The following SLC8A3 variants were observed in gnomAD, a reference collection of about 807,000 sequenced individuals.
SLC8A3 encodes the protein sodium/calcium exchanger 3.
SLC8A3 carries 37 observed loss-of-function variants against 65.4 expected under a neutral mutation model. That is an observed-to-expected ratio of 0.57 (90% CI 0.44 to 0.74). The LOEUF (loss-of-function observed/expected upper bound fraction) is 0.74. Among genes scored for constraint, SLC8A3 ranks in the 30% least tolerant of loss-of-function variants. SLC8A3 has a pLI of 0.00. For synonymous variants in SLC8A3, 461 were observed against 444.5 expected, an observed-to-expected ratio of 1.04 and a Z score of -0.47; for missense variants, 1,112 against 1,172.1, an observed-to-expected ratio of 0.95 and a Z score of 0.75.
At chr14:70,177,485 T>C (rs116423115) in intron 1 of SLC8A3, among the ~76,000 whole-genome samples, 4,302 of 152,330 alleles carry the variant, frequency 0.028, 201 homozygotes, top group African/African-American at 0.098. Context: ...GAAGGTATAG[T>C]ACCTCTTGGG....
intron 2 of SLC8A3, among the ~76,000 whole-genome samples, chr14:70,103,721 TAAAC>T (rs1236094962): frequency 4.6e-5 from 7 of 151,542 alleles, no homozygotes; most frequent in African/African-American, 1.7e-4. Context: ...AAGAAGGTAA[TAAAC>T]AAGGAAATGA....
chr14:70,112,600 G>A (rs1196626682), intron 2 of SLC8A3, among the ~76,000 whole-genome samples: 1 of 152,156 alleles, frequency 6.6e-6, no homozygotes, highest in East Asian at 1.9e-4. Flanking sequence ...GTTCTCATGG[G>A]CTTCCCAGAC....
At chr14:70,183,957 A>G (rs1481476737) in intron 1 of SLC8A3, among the ~76,000 whole-genome samples, 2 of 152,206 alleles carry the variant, frequency 1.3e-5, no homozygotes, top group Non-Finnish European at 2.9e-5. Flanking sequence ...GCCCCCAGCA[A>G]GCCTTTGTCT....
intron 2 of SLC8A3, among the ~76,000 whole-genome samples, chr14:70,112,474 C>T (rs774015840): frequency 3.9e-5 from 6 of 152,072 alleles, no homozygotes; most frequent in Admixed American, 6.5e-5. Flanking sequence ...GCAGGATTTG[C>T]GGTGGAGACA....
chr14:70,089,307 C>T (rs1362969531), intron 2 of SLC8A3, among the ~76,000 whole-genome samples: 1 of 152,154 alleles, frequency 6.6e-6, no homozygotes, highest in Non-Finnish European at 1.5e-5. Flanking sequence ...ACTTAACATA[C>T]TAAATACTCA....
intron 2 of SLC8A3, among the ~76,000 whole-genome samples, chr14:70,111,879 G>A (rs1893328346): frequency 2.0e-5 from 3 of 152,194 alleles, no homozygotes; most frequent in Non-Finnish European, 4.4e-5. Context: ...GAGGGGAGAG[G>A]AGGAAAGGGG....
intron 3 of SLC8A3, chr14:70,055,773 GA>G: frequency 6.2e-7 from 1 of 1,600,612 alleles, no homozygotes. Context: ...GGAAAGAAAA[GA>G]GGGGGACAAG....
intron 2 of SLC8A3, among the ~76,000 whole-genome samples, chr14:70,080,952 G>C (rs1031123103): frequency 6.6e-6 from 1 of 152,206 alleles, no homozygotes; most frequent in African/African-American, 2.4e-5. Context: ...ATGTCACACA[G>C]CTGGTAAATG....
chr14:70,079,940 G>T, intron 2 of SLC8A3: 1 of 200,668 alleles, frequency 5.0e-6, no homozygotes, highest in Non-Finnish European at 8.9e-6. Context: ...GCTTATAGCT[G>T]TGTGACCTTG....
At chr14:70,112,765 A>G (rs1401103236) in intron 2 of SLC8A3, among the ~76,000 whole-genome samples, 1 of 152,180 alleles carries the variant, frequency 6.6e-6, no homozygotes, top group Non-Finnish European at 1.5e-5. Context: ...GCCCCAGAAG[A>G]GGATGCTTCC....
chr14:70,125,336 C>T (rs1894370928), intron 2 of SLC8A3, among the ~76,000 whole-genome samples: 1 of 152,034 alleles, frequency 6.6e-6, no homozygotes, highest in African/African-American at 2.4e-5. Flanking sequence ...ATTCCCCCCA[C>T]CCTTCCGAGT....
At chr14:70,144,271 G>A (rs1258421645) in intron 2 of SLC8A3, among the ~76,000 whole-genome samples, 4 of 143,594 alleles carry the variant, frequency 2.8e-5, no homozygotes, top group Non-Finnish European at 6.0e-5. Context: ...GTTTTTATGG[G>A]AAGTAAAACA....
intron 2 of SLC8A3, among the ~76,000 whole-genome samples, chr14:70,152,198 C>A (rs1007932535): frequency 6.6e-6 from 1 of 152,110 alleles, no homozygotes; most frequent in Non-Finnish European, 1.5e-5. Context: ...TCATGTCAGA[C>A]TACATTGCAC....
chr14:70,073,111 T>C (rs182373346), intron 2 of SLC8A3, among the ~76,000 whole-genome samples: 1 of 152,192 alleles, frequency 6.6e-6, no homozygotes, highest in Admixed American at 6.5e-5. Context: ...AATAAAGATT[T>C]CCCTCCTTCT....
rs1196905676 is a variant in SLC8A3, at chr14:70,168,414, C to T, written c.9G>A (p.Trp3Ter). Residue 3 changes from tryptophan (W) to a stop codon, truncating the protein, a stop_gained, in exon 2 of 7, where the codon TGG becomes TGA. Coordinates refer to ENST00000356921, the MANE Select transcript of SLC8A3 (RefSeq NM_182932.3). LOFTEE classifies it high-confidence loss of function. MA[W>*]LRLQPLTSAF... ...CAGAGGTGAGAGGCTGCAACCTTAA[C>T]CACGCCATACACGAGACTTAGCCAC... is the stretch of plus-strand genomic sequence containing the variant. 1.2e-6 allele frequency: 2 copies of T among 1,612,712 alleles called. No individual in the cohort carries two copies. The highest frequency in any genetic ancestry group is 1.7e-6 in the Non-Finnish European group (2 of 1,179,396).
At chr14:70,117,797 T>TA (rs1893765581) in intron 2 of SLC8A3, among the ~76,000 whole-genome samples, 1 of 152,146 alleles carries the variant, frequency 6.6e-6, no homozygotes, top group South Asian at 2.1e-4. Context: ...TCCAGACCAC[T>TA]ATCCAGCTGC....
In SLC8A3 at chr14:70,168,251, C is replaced by G. The variant is rs1429463643; in HGVS notation, c.172G>C (p.Val58Leu). The G allele has an allele frequency of 6.2e-7, 1 of 1,614,166 alleles. No individual in the cohort carries two copies. Among genetic ancestry groups the G allele is most frequent in the Admixed American group, 1.7e-5 (1 of 60,020 alleles). Reference sequence around the variant, plus strand: ...TCCGGGTACCAGATTGGCAGGATGACACCCTCCTTGCAGTCCGATGACCCT... The same window carrying G: ...TCCGGGTACCAGATTGGCAGGATGAGACCCTCCTTGCAGTCCGATGACCCT... ...CSGSSDCKEG[V>L]ILPIWYPENP... is the part of the protein sequence containing the mutation. The change falls in exon 2 of 7, where the codon GTC becomes CTC. Residue 58 changes from valine (V) to leucine (L), a missense_variant. By Grantham distance (32) the Val-to-Leu change is conservative (BLOSUM62 1). Coordinates refer to ENST00000356921, the MANE Select transcript of SLC8A3 (RefSeq NM_182932.3).
At chr14:70,124,185 C>G (rs1380528804) in intron 2 of SLC8A3, among the ~76,000 whole-genome samples, 2 of 152,076 alleles carry the variant, frequency 1.3e-5, no homozygotes. Context: ...AATAGTAGAA[C>G]TAGGAATCTG....
rs532462612 is a variant in SLC8A3, at chr14:70,153,714, C to G, written c.1784+12925G>C. ...CGATAGACACTCACCCCTCTGCCTCCGCTCTCCTGTTGCTTCTGTCCTCCT... is the reference window on the plus strand; with the variant it reads ...CGATAGACACTCACCCCTCTGCCTCGGCTCTCCTGTTGCTTCTGTCCTCCT... On this transcript the variant is annotated intron_variant, in intron 2 of 6. Transcript: ENST00000356921. Among the ~76,000 whole-genome samples the G allele has an allele frequency of 5.9e-5, 9 of 152,310 alleles. No homozygotes were observed. In the East Asian group the frequency reaches 1.7e-3, roughly 29 times the overall value.
Sources: gnomAD v4.1 joint callset for allele counts (sites outside exome capture counted in the v4.1 genomes callset) on GRCh38, gnomAD v4.1.1 for gene constraint, MANE v1.5 for transcripts, NCBI Gene and HGNC (gene_info 2026-07-23, HGNC 2026-07-21) for gene names.